The following UBXN2B variants were observed in gnomAD, a reference collection of about 807,000 sequenced individuals.
UBXN2B encodes UBX domain protein 2B.
Under a neutral mutation model 37.5 loss-of-function variants are expected in UBXN2B, and 19 were observed. That is an observed-to-expected ratio of 0.51 (90% CI 0.35 to 0.74). UBXN2B has a LOEUF of 0.74. Among genes scored for constraint, UBXN2B ranks in the 30% least tolerant of loss-of-function variants. The pLI is 0.01. For synonymous variants in UBXN2B, 145 were observed against 143.8 expected (o/e 1.01, Z -0.06); for missense variants, 370 against 393.2 (o/e 0.94, Z 0.50).
chr8:58,425,995 T>G (rs1808072789), intron 2 of UBXN2B: 1 of 1,447,104 alleles, frequency 6.9e-7, no homozygotes, highest in Non-Finnish European at 9.7e-7. Flanking sequence ...CAGTTAATAA[T>G]TTCTCTGCTT....
At chr8:58,434,730 G>T in intron 5 of UBXN2B, 7 of 1,422,398 alleles carry the variant, frequency 4.9e-6, no homozygotes, top group Non-Finnish European at 6.5e-6. Flanking sequence ...TTGGACATTG[G>T]CCCATTTTAA....
intron 3 of UBXN2B, among the ~76,000 whole-genome samples, chr8:58,431,757 A>G (rs1006963448): frequency 1.2e-4 from 18 of 152,150 alleles, no homozygotes; most frequent in Non-Finnish European, 2.6e-4. Flanking sequence ...AGCCATTTTG[A>G]TGGGTGTATA....
At position 58,430,540 on chromosome 8, in the gene UBXN2B, A is replaced by G. The variant is rs753615556; in HGVS notation, c.210A>G (p.Glu70=). 5.0e-6 allele frequency: 8 copies of G among 1,595,000 alleles called. No individual in the cohort carries two copies. In the Admixed American group the frequency reaches 1.4e-4, roughly 28 times the overall value. ...PPQRFYSSEH[E]YSGLNIVRPS... Reference sequence around the variant, plus strand: ...AAAGGTTTTACTCAAGTGAACATGAATACAGTGGATTAAATATAGTTCGAC... The same window carrying G: ...AAAGGTTTTACTCAAGTGAACATGAGTACAGTGGATTAAATATAGTTCGAC... The change falls in exon 3 of 8, where the codon GAA becomes GAG. Residue 70 remains glutamate, a synonymous_variant. Transcript: ENST00000399598.
At chr8:58,437,352 G>A (rs898547679) in intron 5 of UBXN2B, among the ~76,000 whole-genome samples, 6 of 110,476 alleles carry the variant, frequency 5.4e-5, no homozygotes, top group Admixed American at 3.5e-4. Context: ...TTTTGGAGAC[G>A]ATTCATGCTC....
At chr8:58,443,132 C>G (rs998556851) in intron 6 of UBXN2B, among the ~76,000 whole-genome samples, 5 of 152,156 alleles carry the variant, frequency 3.3e-5, no homozygotes, top group African/African-American at 1.2e-4. Context: ...TTCCTAAACC[C>G]CCTCCTCGAC....
At chr8:58,415,368 A>G (rs1807748656) in intron 1 of UBXN2B, among the ~76,000 whole-genome samples, 1 of 152,108 alleles carries the variant, frequency 6.6e-6, no homozygotes, top group Admixed American at 6.5e-5. Flanking sequence ...AAGAAATTTC[A>G]GGGAGGTAAA....
rs1299614093 is a variant in UBXN2B at position 58,424,690 on chromosome 8, G to GT, written c.189-5829_189-5828insT. The GT allele has an allele frequency of 3.8e-6, 5 of 1,321,654 alleles. No individual in the cohort carries two copies. The African/African-American group carries it at 7.4e-5, about 19-fold the overall frequency. The allele number at this position is 1,321,654 out of a possible 1,614,324, so 81.9% of individuals were successfully genotyped here. On this transcript the variant is annotated intron_variant, in intron 2 of 7. Transcript: ENST00000399598. ...AGCGTGGAGTTGGAGTACAAGGCGG[G>GT]GGGGGGGGCTCTGATCTCCACTCGT...
chr8:58,443,811 AAAAT>A (rs1166611471), intron 6 of UBXN2B, among the ~76,000 whole-genome samples: 1 of 152,216 alleles, frequency 6.6e-6, no homozygotes, highest in South Asian at 2.1e-4. Context: ...GCATCCCAGA[AAAAT>A]AAATAAATAA....
At chr8:58,426,115 A>G in intron 2 of UBXN2B, 2 of 1,291,548 alleles carry the variant, frequency 1.5e-6, no homozygotes, top group Non-Finnish European at 2.2e-6. Context: ...ATTGCCCGTG[A>G]TGTTCTGTGT....
chr8:58,426,156 A>G (rs1808078299), intron 2 of UBXN2B: 2 of 926,534 alleles, frequency 2.2e-6, no homozygotes, highest in African/African-American at 3.3e-5. Context: ...AAAGTGGAAA[A>G]TTTCTCCCCT....
At chr8:58,430,765 A>G (rs918552689) in intron 3 of UBXN2B, 96 bp downstream of exon 3, 2 of 980,020 alleles carry the variant, frequency 2.0e-6, no homozygotes, top group Non-Finnish European at 2.7e-6. Flanking sequence ...CTAATTGTAT[A>G]TTTCTGTTTT....
intron 6 of UBXN2B, 135 bp downstream of exon 6, chr8:58,439,905 TTA>T: frequency 1.5e-6 from 1 of 679,238 alleles, no homozygotes; most frequent in Non-Finnish European, 2.3e-6. Context: ...TCTGTTAATA[TTA>T]TATCATAATA....
At chr8:58,435,508 C>G (rs553609099) in intron 5 of UBXN2B, among the ~76,000 whole-genome samples, 1 of 152,220 alleles carries the variant, frequency 6.6e-6, no homozygotes, top group African/African-American at 2.4e-5. Flanking sequence ...TTAAGTCAAT[C>G]CTGTGGACTT....
intron 2 of UBXN2B, chr8:58,426,153 A>G: frequency 1.0e-6 from 1 of 972,112 alleles, no homozygotes. Flanking sequence ...GCCAAAGTGG[A>G]AAATTTCTCC....
chr8:58,439,531 T>C, intron 5 of UBXN2B, 102 bp from the exon 6 acceptor site: 2 of 1,401,706 alleles, frequency 1.4e-6, no homozygotes, highest in Non-Finnish European at 1.9e-6. Flanking sequence ...AGCAAAAAAT[T>C]CTGTTTTCCA....
At chr8:58,423,819 A>G (rs1563458893) in intron 2 of UBXN2B, among the ~76,000 whole-genome samples, 1 of 151,838 alleles carries the variant, frequency 6.6e-6, no homozygotes, top group Non-Finnish European at 1.5e-5. Context: ...CTGGTCATTC[A>G]TAGATGCCTT....
At chr8:58,438,506 T>C (rs1157698788) in intron 5 of UBXN2B, among the ~76,000 whole-genome samples, 1 of 152,204 alleles carries the variant, frequency 6.6e-6, no homozygotes, top group Non-Finnish European at 1.5e-5. Context: ...AAGGATTATT[T>C]TGGAGCTTTA....
chr8:58,442,602 A>G (rs1320018707), intron 6 of UBXN2B, among the ~76,000 whole-genome samples: 2 of 152,242 alleles, frequency 1.3e-5, no homozygotes, highest in Non-Finnish European at 2.9e-5. Context: ...TGCTGTAAAA[A>G]TGTTACATAG....
At chr8:58,433,290 T>G in intron 4 of UBXN2B, 47 bp downstream of exon 4, 2 of 1,448,326 alleles carry the variant, frequency 1.4e-6, no homozygotes, top group South Asian at 2.5e-5. Flanking sequence ...TTGCTTCTAG[T>G]TACTAAAACT....
Sources: gnomAD v4.1 joint callset for allele counts (sites outside exome capture counted in the v4.1 genomes callset) on GRCh38, gnomAD v4.1.1 for gene constraint, MANE v1.5 for transcripts, NCBI Gene and HGNC (gene_info 2026-07-23, HGNC 2026-07-21) for gene names.